CCDC7: variants seen among roughly 807,000 people sequenced by gnomAD.
The protein encoded by CCDC7 is coiled-coil domain containing 7.
CCDC7 carries 183 observed loss-of-function variants against 196.9 expected under a neutral mutation model. The ratio of observed to expected loss-of-function variants is 0.93; its 90% CI spans 0.82 to 1.05. The LOEUF is 1.05. Ranked by LOEUF, CCDC7 falls within the 50% of genes least tolerant of loss-of-function variation. The pLI is 0.00. For missense variants in CCDC7, 1,540 were observed against 1,482.2 expected (o/e 1.04, Z -0.64); for synonymous variants, 525 against 484.6 (o/e 1.08, Z -1.10).
chr10:32,786,697 A>G (rs2081945678), intron 29 of CCDC7, among the ~76,000 whole-genome samples: 1 of 152,156 alleles, frequency 6.6e-6, no homozygotes. Context: ...GGGGGCAGAG[A>G]TTACAGTGAG....
chr10:32,753,741 A>G (rs1175113235), intron 28 of CCDC7, among the ~76,000 whole-genome samples: 2 of 152,150 alleles, frequency 1.3e-5, no homozygotes, highest in Non-Finnish European at 2.9e-5. Flanking sequence ...AAATTCTTAA[A>G]TTACTCTTAG....
At chr10:32,754,034 T>A (rs947351800) in intron 28 of CCDC7, among the ~76,000 whole-genome samples, 6 of 147,768 alleles carry the variant, frequency 4.1e-5, no homozygotes, top group African/African-American at 1.5e-4. Flanking sequence ...AAGTTAAAAA[T>A]AAGATAAAAT....
intron 21 of CCDC7, among the ~76,000 whole-genome samples, chr10:32,684,767 C>G (rs528118943): frequency 8.5e-5 from 13 of 152,280 alleles, no homozygotes; most frequent in African/African-American, 3.1e-4. Flanking sequence ...GCACATACTT[C>G]TAGAAAAACA....
chr10:32,709,320 G>A (rs1254206129), intron 24 of CCDC7, among the ~76,000 whole-genome samples: 2 of 116,776 alleles, frequency 1.7e-5, no homozygotes, highest in Admixed American at 1.0e-4. Context: ...GAGGCCTATC[G>A]TGGGTGGGGG....
intron 5 of CCDC7, among the ~76,000 whole-genome samples, chr10:32,465,108 A>AG (rs1433497953): frequency 5.9e-5 from 3 of 50,626 alleles, no homozygotes; most frequent in African/African-American, 1.1e-4. Context: ...CAATGAAACT[A>AG]GTTTTTTTTT....
At chr10:32,652,077 A>G (rs2068865092) in intron 20 of CCDC7, among the ~76,000 whole-genome samples, 1 of 152,100 alleles carries the variant, frequency 6.6e-6, no homozygotes, top group African/African-American at 2.4e-5. Flanking sequence ...TATTTGCTTT[A>G]TATGTTTAGG....
At chr10:32,757,775 A>C (rs941003942) in intron 28 of CCDC7, among the ~76,000 whole-genome samples, 10 of 152,242 alleles carry the variant, frequency 6.6e-5, no homozygotes, top group African/African-American at 2.4e-4. Flanking sequence ...AAGGAGATAG[A>C]GACAGAAAAA....
intron 24 of CCDC7, among the ~76,000 whole-genome samples, chr10:32,709,544 G>T (rs568297440): frequency 1.3e-5 from 2 of 152,166 alleles, no homozygotes; most frequent in Non-Finnish European, 2.9e-5. Flanking sequence ...TTACAATAGG[G>T]TTTGTGTTCC....
chr10:32,845,534 T>C lies in CCDC7; in HGVS notation c.3437-9T>C. The C allele has an allele frequency of 6.3e-7, 1 of 1,595,340 alleles. No individual in the cohort carries two copies. The highest frequency in any genetic ancestry group is 1.1e-5 in the South Asian group (1 of 89,284). Reference sequence around the variant, plus strand: ...ACAAAATATACTGAAATCTGTTTTATTTCTATAGAGACTGATAAGAACTTC... The same window carrying C: ...ACAAAATATACTGAAATCTGTTTTACTTCTATAGAGACTGATAAGAACTTC... On this transcript the variant is annotated splice_polypyrimidine_tract_variant and intron_variant, in intron 34 of 41. Transcript: ENST00000639629.
At chr10:32,851,894 A>G in exon 40 of CCDC7, 1 of 1,610,696 alleles carries the variant, frequency 6.2e-7, no homozygotes. Context: ...AGCTTTTCTA[A>G]AGACATCCAC....
At chr10:32,563,486 A>G (rs1286946809) in intron 13 of CCDC7, among the ~76,000 whole-genome samples, 1 of 152,234 alleles carries the variant, frequency 6.6e-6, no homozygotes, top group African/African-American at 2.4e-5. Flanking sequence ...AGTCCTCAGA[A>G]ATAATGCCAC....
At chr10:32,671,410 CTT>C (rs1231226379) in intron 21 of CCDC7, among the ~76,000 whole-genome samples, 2 of 152,066 alleles carry the variant, frequency 1.3e-5, no homozygotes, top group African/African-American at 4.8e-5. Context: ...TATCATATAA[CTT>C]AGGTGTGTAG....
intron 8 of CCDC7, among the ~76,000 whole-genome samples, chr10:32,474,298 A>G (rs1227050467): frequency 7.7e-6 from 1 of 130,680 alleles, no homozygotes; most frequent in Non-Finnish European, 1.5e-5. Flanking sequence ...ATCTCAGCTC[A>G]CTGCAACCTC....
intron 41 of CCDC7, among the ~76,000 whole-genome samples, chr10:32,872,606 G>A (rs550107036): frequency 9.2e-5 from 14 of 151,934 alleles, no homozygotes; most frequent in South Asian, 2.1e-4. Context: ...TATTTTGCTC[G>A]TTAGTTGATG....
At chr10:32,608,086 T>G (rs2061714197) in intron 18 of CCDC7, among the ~76,000 whole-genome samples, 1 of 152,150 alleles carries the variant, frequency 6.6e-6, no homozygotes, top group South Asian at 2.1e-4. Flanking sequence ...GTTTTCCAAT[T>G]TGTTAGCATA....
intron 13 of CCDC7, among the ~76,000 whole-genome samples, chr10:32,563,238 A>G (rs1564661441): frequency 6.6e-6 from 1 of 152,184 alleles, no homozygotes; most frequent in Non-Finnish European, 1.5e-5. Context: ...GGTAATTTAT[A>G]GATTCAATGC....
At chr10:32,868,920 A>G (rs552591572) in intron 41 of CCDC7, among the ~76,000 whole-genome samples, 1 of 152,248 alleles carries the variant, frequency 6.6e-6, no homozygotes, top group African/African-American at 2.4e-5. Context: ...ATGGCTGCAT[A>G]GTATTCCATG....
chr10:32,834,672 T>C (rs896523032), intron 32 of CCDC7, 143 bp from the exon 34 acceptor site: 2 of 348,180 alleles, frequency 5.7e-6, no homozygotes, highest in Non-Finnish European at 1.0e-5. Flanking sequence ...TTTTTTTTTT[T>C]ACTAATTCAT....
chr10:32,444,185 A>C (rs999500864), upstream of CCDC7, among the ~76,000 whole-genome samples: 2 of 152,182 alleles, frequency 1.3e-5, no homozygotes, highest in Non-Finnish European at 2.9e-5. Context: ...AGGAAAAATC[A>C]ATTTTTCACT....
Sources: gnomAD v4.1 joint callset for allele counts (sites outside exome capture counted in the v4.1 genomes callset) on GRCh38, gnomAD v4.1.1 for gene constraint, MANE v1.5 for transcripts, NCBI Gene and HGNC (gene_info 2026-07-23, HGNC 2026-07-21) for gene names.